Variants in MORF4L1 observed in about 807,000 individuals in gnomAD.
MORF4L1 encodes mortality factor 4 like 1, also known as mortality factor 4-like protein 1.
A neutral mutation model predicts 52.9 loss-of-function variants in MORF4L1; 4 were observed. That is an observed-to-expected ratio of 0.08 (90% CI 0.04 to 0.17). The LOEUF (loss-of-function observed/expected upper bound fraction) is 0.17, where lower values mean the gene tolerates loss of function less well. MORF4L1 is among the 10% of genes least tolerant of loss of function. MORF4L1 has a pLI of 1.00. For missense variants in MORF4L1, 214 were observed against 390.4 expected (o/e 0.55, Z 3.81); for synonymous variants, 123 against 134.8 (o/e 0.91, Z 0.61).
intron 1 of MORF4L1, among the ~76,000 whole-genome samples, chr15:78,877,419 C>T (rs564030925): frequency 2.0e-5 from 3 of 152,366 alleles, no homozygotes; most frequent in African/African-American, 4.8e-5. Flanking sequence ...CTCGCCCCGC[C>T]TGCTCTTTTA....
rs1320419500 is a variant in MORF4L1, at chr15:78,897,908, C to A, written c.*841C>A. The A allele has an allele frequency of 6.6e-6, 1 of 152,300 alleles. No individual in the cohort carries two copies. The highest frequency in any genetic ancestry group is 1.5e-5 in the Non-Finnish European group (1 of 68,034). The allele number at this position is 152,300 out of a possible 1,614,324, so 9.4% of individuals were successfully genotyped here. ...AATCCATAGCAGCTTTGGCAGTTTG[C>A]TGTCTTGAGTCTTAGCTAAAAAGTT... On this transcript the variant is annotated 3_prime_UTR_variant, in exon 12 of 12. Coordinates refer to ENST00000426013, the MANE Select transcript of MORF4L1 (RefSeq NM_006791.4).
rs115150245 is a variant in MORF4L1 at position 78,885,872 on chromosome 15, G to T, written c.156-269G>T. On this transcript the variant is annotated intron_variant, in intron 3 of 11. Transcript: ENST00000426013. ...TCACTTAGTGAATCTTACATTAAGTGCCAAACTCTTAAGCCATTTCTAAAA... is the reference window on the plus strand; with the variant it reads ...TCACTTAGTGAATCTTACATTAAGTTCCAAACTCTTAAGCCATTTCTAAAA... Among the ~76,000 whole-genome samples, 476 of 152,290 alleles carry T rather than the reference G, an allele frequency of 3.1e-3. 2 individuals carry two copies. Among genetic ancestry groups the T allele is most frequent in the African/African-American group, 0.011 (463 of 41,552 alleles).
At chr15:78,877,496 A>G (rs1299959353) in intron 1 of MORF4L1, among the ~76,000 whole-genome samples, 1 of 152,190 alleles carries the variant, frequency 6.6e-6, no homozygotes, top group Non-Finnish European at 1.5e-5. Context: ...TTTGAAACCA[A>G]GTGGACTGAA....
intron 5 of MORF4L1, among the ~76,000 whole-genome samples, chr15:78,890,231 A>C (rs937245324): frequency 2.1e-5 from 3 of 146,008 alleles, no homozygotes; most frequent in Non-Finnish European, 4.4e-5. Flanking sequence ...CAAAATTAGC[A>C]ATTTACCATT....
At chr15:78,873,431 G>A (rs962834056) in intron 1 of MORF4L1, among the ~76,000 whole-genome samples, 1 of 151,916 alleles carries the variant, frequency 6.6e-6, no homozygotes, top group Admixed American at 6.6e-5. Flanking sequence ...GGGGAGGGGC[G>A]GTGGCTGTTT....
At chr15:78,878,139 G>A in intron 1 of MORF4L1, 74 bp from the exon 2 acceptor site, 8 of 1,456,998 alleles carry the variant, frequency 5.5e-6, no homozygotes, top group Non-Finnish European at 7.5e-6. Flanking sequence ...ATAAAAGTGT[G>A]ATGACTCTCT....
intron 4 of MORF4L1, 37 bp from the exon 5 acceptor site, chr15:78,887,232 T>C (rs1258772160): frequency 6.5e-7 from 1 of 1,532,630 alleles, no homozygotes; most frequent in South Asian, 1.2e-5. Context: ...ACATAAATGC[T>C]CATTTTATGT....
At chr15:78,873,522 C>T (rs1182531692) in intron 1 of MORF4L1, among the ~76,000 whole-genome samples, 1 of 151,852 alleles carries the variant, frequency 6.6e-6, no homozygotes, top group Admixed American at 6.6e-5. Flanking sequence ...GGGGTGGTTG[C>T]GTTCGGTGGC....
At chr15:78,880,222 T>C (rs558895865) in intron 2 of MORF4L1, among the ~76,000 whole-genome samples, 1 of 152,386 alleles carries the variant, frequency 6.6e-6, no homozygotes, top group South Asian at 2.1e-4. Flanking sequence ...CCTGGCTGAT[T>C]AGACTGAGAA....
intron 5 of MORF4L1, among the ~76,000 whole-genome samples, chr15:78,888,001 G>A (rs1460034338): frequency 6.6e-6 from 1 of 152,218 alleles, no homozygotes; most frequent in African/African-American, 2.4e-5. Flanking sequence ...CTGACCTCCT[G>A]ACCTCAGGTG....
intron 1 of MORF4L1, among the ~76,000 whole-genome samples, chr15:78,874,574 T>A (rs1414744650): frequency 1.7e-5 from 2 of 117,870 alleles, no homozygotes; most frequent in African/African-American, 3.3e-5. Flanking sequence ...TTTTCTTTTC[T>A]TTTTCTTTCT....
chr15:78,896,565 C>T (rs2056893924), intron 11 of MORF4L1, among the ~76,000 whole-genome samples: 1 of 152,070 alleles, frequency 6.6e-6, no homozygotes, highest in Non-Finnish European at 1.5e-5. Flanking sequence ...GCCTTGGCCT[C>T]CCAAAGTGCT....
chr15:78,872,923 T>C lies in MORF4L1; in HGVS notation c.-95T>C, dbSNP rs1432638637. 5.4e-6 allele frequency: 8 copies of C among 1,494,366 alleles called. No individual in the cohort carries two copies. The Middle Eastern group carries it at 9.5e-4, about 178-fold the overall frequency. The allele number at this position is 1,494,366 out of a possible 1,614,324, so 92.6% of individuals were successfully genotyped here. On this transcript the variant is annotated 5_prime_UTR_variant, in exon 1 of 12. Coordinates refer to ENST00000426013, the MANE Select transcript of MORF4L1 (RefSeq NM_006791.4). Reference sequence around the variant, plus strand: ...CCCAGGATGTAGAGCTGGCAGTGCCTGACGGCGCGTCTGACGCGGAGTTGG... The same window carrying C: ...CCCAGGATGTAGAGCTGGCAGTGCCCGACGGCGCGTCTGACGCGGAGTTGG...
At chr15:78,888,307 A>G (rs990479896) in intron 5 of MORF4L1, among the ~76,000 whole-genome samples, 2 of 152,082 alleles carry the variant, frequency 1.3e-5, no homozygotes, top group Admixed American at 1.3e-4. Context: ...TCTACAGAAA[A>G]ATAAAAAAAT....
At chr15:78,893,195 G>A (rs62013185) in intron 8 of MORF4L1, among the ~76,000 whole-genome samples, 21,990 of 152,158 alleles carry the variant, frequency 0.14, 1,828 homozygotes, top group East Asian at 0.41. Flanking sequence ...AGGCACATTC[G>A]TGTCTGTTAT....
chr15:78,878,145 T>C (rs1221895531), intron 1 of MORF4L1, 68 bp from the exon 2 acceptor site: 1 of 1,491,044 alleles, frequency 6.7e-7, no homozygotes, highest in East Asian at 2.3e-5. Context: ...GTGTGATGAC[T>C]CTCTAAGATG....
intron 1 of MORF4L1, among the ~76,000 whole-genome samples, chr15:78,875,223 T>G (rs2056462629): frequency 6.6e-6 from 1 of 152,218 alleles, no homozygotes; most frequent in African/African-American, 2.4e-5. Flanking sequence ...AGTTAATCGC[T>G]GCTGTGGGAA....
intron 2 of MORF4L1, 39 bp downstream of exon 2, chr15:78,878,298 T>C: frequency 6.3e-7 from 1 of 1,591,098 alleles, no homozygotes; most frequent in Middle Eastern, 2.2e-4. Context: ...TGGCCAAAAC[T>C]ACTGGTTAGA....
rs1182706852 is a variant in MORF4L1, at chr15:78,898,029, GC to G, written c.*963del. On this transcript the variant is annotated 3_prime_UTR_variant, in exon 12 of 12. Transcript: ENST00000426013. ...TTTCACCTGTGTAAAATTATGGTCA[GC>G]TTTTTTCTGTCTATAATTGTTTACT... The G allele has an allele frequency of 1.3e-5, 2 of 152,070 alleles. No individual in the cohort carries two copies. The highest frequency in any genetic ancestry group is 4.8e-5 in the African/African-American group (2 of 41,402). 9.4% of individuals were successfully genotyped at this position (152,070 alleles called of 1,614,324 possible).
Sources: allele counts gnomAD v4.1 joint callset (sites outside exome capture counted in the v4.1 genomes callset), GRCh38; gene constraint gnomAD v4.1.1; transcripts MANE v1.5; gene names NCBI Gene and HGNC (gene_info 2026-07-23, HGNC 2026-07-21).